The following LRRC4C variants were observed in gnomAD, a reference collection of about 807,000 sequenced individuals.
LRRC4C encodes leucine-rich repeat-containing protein 4C.
Under a neutral mutation model 33.6 loss-of-function variants are expected in LRRC4C, and 5 were observed. That is an observed-to-expected ratio of 0.15 (90% confidence interval 0.08 to 0.31). LRRC4C has a LOEUF of 0.31. Ranked by LOEUF, LRRC4C falls within the 10% of genes least tolerant of loss-of-function variation. The pLI is 1.00. For missense variants in LRRC4C, 560 were observed against 796.7 expected (o/e 0.70, Z 3.58); for synonymous variants, 329 against 302.0 (o/e 1.09, Z -0.93).
chr11:41,207,586 C>T (rs1018936511), intron 1 of LRRC4C, among the ~76,000 whole-genome samples: 1 of 152,002 alleles, frequency 6.6e-6, no homozygotes, highest in Non-Finnish European at 1.5e-5. Flanking sequence ...CACCCATCTC[C>T]TCCACTGCCA....
intron 1 of LRRC4C, among the ~76,000 whole-genome samples, chr11:41,188,912 CAA>C (rs35752552): frequency 1.2e-4 from 16 of 137,070 alleles, no homozygotes; most frequent in Admixed American, 8.8e-4. Flanking sequence ...CCCCCCCCCC[CAA>C]AAAAAAGTAT....
At chr11:40,885,292 A>T (rs1955400439) in intron 2 of LRRC4C, among the ~76,000 whole-genome samples, 1 of 152,064 alleles carries the variant, frequency 6.6e-6, no homozygotes, top group South Asian at 2.1e-4. Context: ...TTTTATAATT[A>T]CTTAAGTCCT....
chr11:41,208,940 G>A (rs1946707917), intron 1 of LRRC4C, among the ~76,000 whole-genome samples: 1 of 152,080 alleles, frequency 6.6e-6, no homozygotes, highest in African/African-American at 2.4e-5. Context: ...GAGAAGGTGG[G>A]GCTGCTGCAA....
At chr11:40,672,396 A>G (rs1169609945) in intron 2 of LRRC4C, among the ~76,000 whole-genome samples, 2 of 152,204 alleles carry the variant, frequency 1.3e-5, no homozygotes, top group African/African-American at 2.4e-5. Flanking sequence ...ATGAATGTTG[A>G]TGTACACAAC....
At chr11:41,437,270 C>T (rs954741479) in intron 1 of LRRC4C, among the ~76,000 whole-genome samples, 8 of 152,158 alleles carry the variant, frequency 5.3e-5, no homozygotes, top group South Asian at 2.1e-4. Flanking sequence ...ATGGTGTCAA[C>T]GTAGTTAGTT....
intron 3 of LRRC4C, among the ~76,000 whole-genome samples, chr11:40,549,865 T>A (rs1487340874): frequency 6.6e-6 from 1 of 152,122 alleles, no homozygotes; most frequent in African/African-American, 2.4e-5. Flanking sequence ...TATAATTCAT[T>A]AGGTGACACA....
intron 1 of LRRC4C, among the ~76,000 whole-genome samples, chr11:41,302,075 C>G (rs186037404): frequency 1.4e-3 from 216 of 152,230 alleles, no homozygotes; most frequent in Non-Finnish European, 2.0e-3. Context: ...CATTGCATTT[C>G]AGGAAACACT....
intron 3 of LRRC4C, among the ~76,000 whole-genome samples, chr11:40,462,500 T>C (rs758129188): frequency 2.0e-5 from 3 of 150,916 alleles, no homozygotes; most frequent in Admixed American, 6.6e-5. Context: ...CAAAACTTCA[T>C]TGAGTCTTAA....
chr11:41,176,049 A>T (rs1334032242), intron 1 of LRRC4C, among the ~76,000 whole-genome samples: 1 of 152,086 alleles, frequency 6.6e-6, no homozygotes, highest in Admixed American at 6.6e-5. Flanking sequence ...AGTTTACTGC[A>T]CCTTTAACTG....
At position 41,263,779 on chromosome 11, in the gene LRRC4C, A is replaced by T. The variant is rs79819683; in HGVS notation, c.-496+195652T>A. Among the ~76,000 whole-genome samples the T allele has an allele frequency of 6.6e-5, 10 of 152,270 alleles. No individual in the cohort carries two copies. The East Asian group carries it at 1.9e-3, about 30-fold the overall frequency. On this transcript the variant is annotated intron_variant, in intron 1 of 6. Coordinates refer to ENST00000528697, the MANE Select transcript of LRRC4C (RefSeq NM_001258419.2). The stretch of plus-strand genomic sequence containing the variant: ...CTGAGACCAAGCACAGTGTCTACTC[A>T]TAGTAGAAACTCAAAACATATTCAA...
intron 1 of LRRC4C, among the ~76,000 whole-genome samples, chr11:41,136,230 C>T (rs1274823902): frequency 6.6e-6 from 1 of 152,130 alleles, no homozygotes; most frequent in Non-Finnish European, 1.5e-5. Flanking sequence ...TTTCTGGCTT[C>T]TGTGGCAAAC....
At chr11:40,979,912 C>T (rs1355812835) in intron 1 of LRRC4C, among the ~76,000 whole-genome samples, 1 of 152,112 alleles carries the variant, frequency 6.6e-6, no homozygotes, top group East Asian at 1.9e-4. Context: ...AGCTTCCTCT[C>T]TGTGGAGAAA....
intron 5 of LRRC4C, among the ~76,000 whole-genome samples, chr11:40,223,039 G>T (rs929807434): frequency 2.0e-5 from 3 of 152,058 alleles, no homozygotes; most frequent in Non-Finnish European, 2.9e-5. Flanking sequence ...ATATAGAAAA[G>T]AAAATATAAG....
intron 2 of LRRC4C, among the ~76,000 whole-genome samples, chr11:40,777,457 A>G (rs1950046792): frequency 6.7e-6 from 1 of 150,118 alleles, no homozygotes; most frequent in Admixed American, 6.6e-5. Context: ...CTGAATTAAA[A>G]CATTTATCAT....
intron 3 of LRRC4C, among the ~76,000 whole-genome samples, chr11:40,387,524 T>C (rs557345101): frequency 1.3e-5 from 2 of 152,322 alleles, no homozygotes; most frequent in South Asian, 4.1e-4. Context: ...GTTCATTTAC[T>C]TTTTTCCTTA....
At chr11:40,752,386 C>T (rs1316753805) in intron 2 of LRRC4C, among the ~76,000 whole-genome samples, 1 of 151,876 alleles carries the variant, frequency 6.6e-6, no homozygotes, top group Non-Finnish European at 1.5e-5. Context: ...ATACAAGGAG[C>T]TCAAAGAATG....
chr11:40,845,746 G>T (rs2135694960), intron 2 of LRRC4C, among the ~76,000 whole-genome samples: 1 of 152,254 alleles, frequency 6.6e-6, no homozygotes, highest in East Asian at 1.9e-4. Context: ...GATACTTGAG[G>T]AATTGCCATA....
chr11:41,047,987 A>G (rs1230410276), intron 1 of LRRC4C, among the ~76,000 whole-genome samples: 3 of 152,162 alleles, frequency 2.0e-5, no homozygotes, highest in Admixed American at 1.3e-4. Flanking sequence ...TTTTATCAAT[A>G]GAGCTCTTAA....
intron 2 of LRRC4C, among the ~76,000 whole-genome samples, chr11:40,788,859 G>A (rs1054530001): frequency 6.6e-5 from 10 of 152,034 alleles, no homozygotes; most frequent in Admixed American, 6.5e-4. Context: ...ATGGGAGGCC[G>A]AGGCAGGCGG....
Sources: gnomAD v4.1 joint callset for allele counts (sites outside exome capture counted in the v4.1 genomes callset) on GRCh38, gnomAD v4.1.1 for gene constraint, MANE v1.5 for transcripts, NCBI Gene and HGNC (gene_info 2026-07-23, HGNC 2026-07-21) for gene names.